The following PALS1 variants were observed in gnomAD, a reference collection of about 807,000 sequenced individuals.
PALS1 encodes protein associated with LIN7 1, MAGUK p55 family member, also known as protein PALS1.
Under a neutral mutation model 78.9 loss-of-function variants are expected in PALS1, and 31 were observed. That is an observed-to-expected ratio of 0.39 (90% CI 0.30 to 0.53). The LOEUF is 0.53. Ranked by LOEUF, PALS1 falls within the 20% of genes least tolerant of loss-of-function variation. PALS1 has a pLI of 0.67. For synonymous variants in PALS1, 276 were observed against 270.9 expected (o/e 1.02, Z -0.18); for missense variants, 704 against 826.5 (o/e 0.85, Z 1.82).
chr14:67,257,538 G>A (rs1187998312), intron 1 of PALS1, among the ~76,000 whole-genome samples: 1 of 151,794 alleles, frequency 6.6e-6, no homozygotes, highest in African/African-American at 2.4e-5. Flanking sequence ...GTGGAGAGAG[G>A]GAATGTACTA....
intron 3 of PALS1, among the ~76,000 whole-genome samples, chr14:67,286,566 C>A (rs537028641): frequency 3.9e-5 from 6 of 152,096 alleles, no homozygotes; most frequent in Admixed American, 3.3e-4. Flanking sequence ...GGAAAATTAA[C>A]TGTTCTTAGC....
chr14:67,323,029 T>C (rs2085284532), intron 13 of PALS1, among the ~76,000 whole-genome samples: 1 of 152,178 alleles, frequency 6.6e-6, no homozygotes, highest in South Asian at 2.1e-4. Flanking sequence ...TGTATGATTC[T>C]AATTGCTCCA....
chr14:67,282,678 G>A (rs1311292679), intron 3 of PALS1, among the ~76,000 whole-genome samples: 1 of 151,900 alleles, frequency 6.6e-6, no homozygotes, highest in Non-Finnish European at 1.5e-5. Context: ...TGAATAATTA[G>A]TATTATAAAT....
chr14:67,327,132 G>A (rs572198073), intron 14 of PALS1, among the ~76,000 whole-genome samples: 6 of 152,148 alleles, frequency 3.9e-5, no homozygotes, highest in East Asian at 3.9e-4. Context: ...CCGGGATTGC[G>A]CCACTGCACT....
chr14:67,277,287 G>GA (rs1320438833), intron 2 of PALS1, among the ~76,000 whole-genome samples: 17 of 152,110 alleles, frequency 1.1e-4, no homozygotes, highest in African/African-American at 3.4e-4. Flanking sequence ...ATGAAAGACA[G>GA]AAAAATCTAC....
intron 3 of PALS1, among the ~76,000 whole-genome samples, chr14:67,288,399 A>G (rs1239960760): frequency 6.6e-6 from 1 of 151,992 alleles, no homozygotes; most frequent in Admixed American, 6.6e-5. Flanking sequence ...CCTTTTAACA[A>G]TTACTAAAGA....
intron 4 of PALS1, among the ~76,000 whole-genome samples, chr14:67,297,460 G>A (rs2084875138): frequency 1.3e-5 from 2 of 152,068 alleles, no homozygotes; most frequent in Admixed American, 1.3e-4. Context: ...AATTTAACAG[G>A]AAAAGGTCAC....
intron 1 of PALS1, among the ~76,000 whole-genome samples, chr14:67,244,157 C>G (rs1489325604): frequency 6.6e-6 from 1 of 152,168 alleles, no homozygotes; most frequent in Non-Finnish European, 1.5e-5. Context: ...CATTCCCCTA[C>G]TGAAGAATTT....
intron 4 of PALS1, among the ~76,000 whole-genome samples, chr14:67,298,111 G>A (rs990721274): frequency 6.6e-6 from 1 of 151,924 alleles, no homozygotes; most frequent in Non-Finnish European, 1.5e-5. Flanking sequence ...GAATCAGATG[G>A]TGATGGTCCT....
At chr14:67,317,249 G>A (rs2085189548) in intron 10 of PALS1, among the ~76,000 whole-genome samples, 159 bp from the exon 11 acceptor site, 3 of 152,148 alleles carry the variant, frequency 2.0e-5, no homozygotes, top group African/African-American at 7.2e-5. Context: ...GATCACTTGA[G>A]GCCAGGAGTT....
chr14:67,327,618 T>A (rs1217454770), intron 14 of PALS1, among the ~76,000 whole-genome samples: 2 of 152,122 alleles, frequency 1.3e-5, no homozygotes, highest in Non-Finnish European at 2.9e-5. Flanking sequence ...TAGGTATATC[T>A]CCTAATGCTA....
intron 1 of PALS1, among the ~76,000 whole-genome samples, chr14:67,267,341 C>T (rs1227438035): frequency 1.3e-5 from 2 of 152,004 alleles, no homozygotes; most frequent in Admixed American, 6.5e-5. Flanking sequence ...TCACTGCAAC[C>T]TCTGCCTCCC....
intron 1 of PALS1, among the ~76,000 whole-genome samples, chr14:67,268,872 C>T (rs1475269319): frequency 6.6e-6 from 1 of 152,178 alleles, no homozygotes; most frequent in Non-Finnish European, 1.5e-5. Context: ...AGCCCCTATT[C>T]AAGATGGAGT....
intron 1 of PALS1, among the ~76,000 whole-genome samples, chr14:67,251,193 T>C (rs2084057705): frequency 6.6e-6 from 1 of 152,198 alleles, no homozygotes; most frequent in Non-Finnish European, 1.5e-5. Flanking sequence ...TTTGGTAAGA[T>C]TAGAAACTTT....
chr14:67,294,516 G>C (rs933020282), intron 4 of PALS1: 1 of 151,782 alleles, frequency 6.6e-6, no homozygotes, highest in Non-Finnish European at 1.5e-5. Context: ...GAAACATTCA[G>C]AAGTATTCTT....
intron 3 of PALS1, among the ~76,000 whole-genome samples, chr14:67,290,816 T>C (rs547591280): frequency 1.6e-3 from 243 of 152,334 alleles, no homozygotes; most frequent in African/African-American, 5.6e-3. Context: ...GTTACAGACC[T>C]GAGCCACTGC....
At chr14:67,270,632 A>G (rs186712274) in intron 2 of PALS1, 3 of 147,986 alleles carry the variant, frequency 2.0e-5, no homozygotes, top group African/African-American at 5.0e-5. Context: ...ATTGCTTTGG[A>G]CTGGGAGGAC....
Position 67,252,819 on chromosome 14 carries a change from T to C in PALS1, c.-237+11286T>C, listed in dbSNP as rs542509770. ...TTTAGCCTTGCTGTGAGCTAAATAT[T>C]AGAGACTGTTCTGTTCTAGTCATCT... On this transcript the variant is annotated intron_variant, in intron 1 of 14. Transcript: ENST00000261681. Among the ~76,000 whole-genome samples the C allele has an allele frequency of 2.0e-5, 3 of 152,354 alleles. No homozygotes were observed. In the South Asian group the frequency reaches 6.2e-4, roughly 32 times the overall value.
Position 67,316,822 on chromosome 14 carries a change from T to C in PALS1, c.1226-10T>C. ...AATATTTTACCCTTCTTTTTCTTTC[T>C]GCTATTAAGGGAAAAGCTTTCAGCA... is the stretch of plus-strand genomic sequence containing the variant. On this transcript the variant is annotated splice_polypyrimidine_tract_variant and intron_variant, in intron 9 of 14. Coordinates refer to ENST00000261681, the MANE Select transcript of PALS1 (RefSeq NM_022474.4). 1.2e-6 allele frequency: 2 copies of C among 1,601,774 alleles called. No homozygotes were observed. Among genetic ancestry groups the C allele is most frequent in the South Asian group, 1.1e-5 (1 of 88,120 alleles).
Sources: gnomAD v4.1 joint callset for allele counts (sites outside exome capture counted in the v4.1 genomes callset) on GRCh38, gnomAD v4.1.1 for gene constraint, MANE v1.5 for transcripts, NCBI Gene and HGNC (gene_info 2026-07-23, HGNC 2026-07-21) for gene names.